The following KIAA0319L variants were observed in gnomAD, a reference collection of about 807,000 sequenced individuals.
KIAA0319L encodes the protein dyslexia-associated protein KIAA0319-like protein.
In KIAA0319L, 55 loss-of-function variants were observed where a neutral mutation model predicts 120.1. That is an observed-to-expected ratio of 0.46 (90% confidence interval 0.37 to 0.57). The LOEUF is 0.57. Among genes scored for constraint, KIAA0319L ranks in the 20% least tolerant of loss-of-function variants. KIAA0319L has a pLI of 0.00. For synonymous variants in KIAA0319L, 398 were observed against 471.9 expected, an observed-to-expected ratio of 0.84 and a Z score of 2.03; for missense variants, 1,049 against 1,255.3, an observed-to-expected ratio of 0.84 and a Z score of 2.48.
intron 7 of KIAA0319L, among the ~76,000 whole-genome samples, chr1:35,465,765 G>C (rs947100653): frequency 2.6e-5 from 4 of 152,200 alleles, no homozygotes; most frequent in African/African-American, 9.6e-5. Context: ...AACCCAGTGG[G>C]AGGAACCTGG....
intron 2 of KIAA0319L, among the ~76,000 whole-genome samples, chr1:35,527,400 T>C (rs760144505): frequency 6.6e-6 from 1 of 152,196 alleles, no homozygotes; most frequent in African/African-American, 2.4e-5. Context: ...GCTGGCTTCA[T>C]AGAATTATGA....
At chr1:35,505,406 CGGAG>C (rs1645171769) in intron 3 of KIAA0319L, among the ~76,000 whole-genome samples, 1 of 152,178 alleles carries the variant, frequency 6.6e-6, no homozygotes, top group South Asian at 2.1e-4. Context: ...TTAAACATCT[CGGAG>C]AAGTCTTACC....
chr1:35,443,977 A>G, intron 17 of KIAA0319L, 184 bp downstream of exon 17: 1 of 476,256 alleles, frequency 2.1e-6, no homozygotes, highest in Admixed American at 4.3e-5. Flanking sequence ...TCAGGGGCCC[A>G]TGGGCCCCAA....
intron 2 of KIAA0319L, chr1:35,533,282 T>TA (rs1179412141): frequency 6.6e-6 from 1 of 152,182 alleles, no homozygotes; most frequent in Non-Finnish European, 1.5e-5. Flanking sequence ...GTCATACTGT[T>TA]AGTGTCCAGA....
chr1:35,474,180 AT>A (rs1643811657), intron 5 of KIAA0319L, among the ~76,000 whole-genome samples: 1 of 152,156 alleles, frequency 6.6e-6, no homozygotes, highest in East Asian at 1.9e-4. Flanking sequence ...ATGCACAAAT[AT>A]TTATGGAATA....
At chr1:35,552,641 G>A (rs1647326435) in intron 2 of KIAA0319L, among the ~76,000 whole-genome samples, 1 of 152,024 alleles carries the variant, frequency 6.6e-6, no homozygotes, top group Non-Finnish European at 1.5e-5. Context: ...CAAAAAATGT[G>A]ATTTACACCA....
At chr1:35,486,296 A>G (rs1644381744) in intron 3 of KIAA0319L, among the ~76,000 whole-genome samples, 1 of 145,564 alleles carries the variant, frequency 6.9e-6, no homozygotes, top group Non-Finnish European at 1.5e-5. Context: ...AGGTGGGAGG[A>G]TGGCTCATGC....
At chr1:35,479,552 G>C (rs916580205) in intron 3 of KIAA0319L, among the ~76,000 whole-genome samples, 1 of 152,098 alleles carries the variant, frequency 6.6e-6, no homozygotes, top group South Asian at 2.1e-4. Context: ...AATAGCCCTT[G>C]TGGATCCAAA....
At chr1:35,511,955 T>C (rs1163268914) in intron 2 of KIAA0319L, among the ~76,000 whole-genome samples, 2 of 152,080 alleles carry the variant, frequency 1.3e-5, no homozygotes, top group Non-Finnish European at 2.9e-5. Flanking sequence ...TTTTTGTTTG[T>C]CCACATATAT....
chr1:35,481,731 T>C (rs1459772756), intron 3 of KIAA0319L, among the ~76,000 whole-genome samples: 1 of 151,372 alleles, frequency 6.6e-6, no homozygotes, highest in Non-Finnish European at 1.5e-5. Flanking sequence ...ATCAAGCTAA[T>C]GCATATCCAT....
At chr1:35,557,460 A>G, upstream of KIAA0319L, 1 of 352,040 alleles carries the variant, frequency 2.8e-6, no homozygotes, top group Non-Finnish European at 5.6e-6. Flanking sequence ...CATGCTAACC[A>G]AGCCCTCCCG....
At position 35,470,883 on chromosome 1, in the gene KIAA0319L, G is replaced by C. The variant is rs565665582; in HGVS notation, c.1093C>G (p.Gln365Glu). 6.8e-6 allele frequency: 11 copies of C among 1,611,358 alleles called. No homozygotes were observed. Among genetic ancestry groups the C allele is most frequent in the African/African-American group, 4.0e-5 (3 of 74,972 alleles). The change falls in exon 6 of 21, where the codon CAG becomes GAG. Residue 365 changes from glutamine to glutamate, a missense_variant. Coordinates refer to ENST00000325722, the MANE Select transcript of KIAA0319L (RefSeq NM_024874.5). ...TTCACCTTCGATAGTTTGAGGATCT[G>C]GGAATGTTTCCCTTCCATTTCTCCA... ...YSGEMEGKHSQILKLSKLTPG... is the reference protein window; with the variant it reads ...YSGEMEGKHSEILKLSKLTPG...
intron 17 of KIAA0319L, 72 bp from the exon 18 acceptor site, chr1:35,443,100 T>A: frequency 6.3e-7 from 1 of 1,588,832 alleles, no homozygotes; most frequent in Non-Finnish European, 8.6e-7. Flanking sequence ...CTAGAGCCCA[T>A]GAGGGCACCA....
intron 2 of KIAA0319L, among the ~76,000 whole-genome samples, chr1:35,543,100 G>C (rs1005983167): frequency 2.0e-5 from 3 of 152,234 alleles, no homozygotes; most frequent in East Asian, 3.8e-4. Flanking sequence ...GCAAGACACA[G>C]TGATTTAATT....
chr1:35,490,420 C>G (rs888303551), intron 3 of KIAA0319L, among the ~76,000 whole-genome samples: 3 of 151,942 alleles, frequency 2.0e-5, no homozygotes, highest in Admixed American at 6.6e-5. Flanking sequence ...CATAGTGATA[C>G]AAAAATATCC....
At chr1:35,451,192 C>G (rs1402790266) in intron 13 of KIAA0319L, among the ~76,000 whole-genome samples, 1 of 152,162 alleles carries the variant, frequency 6.6e-6, no homozygotes, top group Non-Finnish European at 1.5e-5. Flanking sequence ...CTCAAAGGCT[C>G]AGGGCAAGCA....
intron 15 of KIAA0319L, 107 bp downstream of exon 15, chr1:35,449,760 G>A: frequency 8.2e-7 from 1 of 1,224,126 alleles, no homozygotes; most frequent in Non-Finnish European, 1.2e-6. Context: ...TTTAAAGCTG[G>A]ACATGCCATC....
At position 35,455,411 on chromosome 1, in the gene KIAA0319L, T is replaced by A. The variant is rs16837366; in HGVS notation, c.1656+602A>T. On this transcript the variant is annotated intron_variant, in intron 10 of 20. Coordinates refer to ENST00000325722, the MANE Select transcript of KIAA0319L (RefSeq NM_024874.5). ...GATCTAGTCTCTCTTCTTAAGCATCTCTAGAGAGAAGATACTCACCATCTA... is the reference window on the plus strand; with the variant it reads ...GATCTAGTCTCTCTTCTTAAGCATCACTAGAGAGAAGATACTCACCATCTA... Among the ~76,000 whole-genome samples, 1,285 of 152,126 alleles carry A rather than the reference T, an allele frequency of 8.4e-3. 22 individuals are homozygous for A. The highest frequency in any genetic ancestry group is 0.03 in the African/African-American group (1,227 of 41,494).
At chr1:35,525,737 CCCTTGTCA>C (rs1646101097) in intron 2 of KIAA0319L, among the ~76,000 whole-genome samples, 4 of 152,182 alleles carry the variant, frequency 2.6e-5, no homozygotes, top group Admixed American at 2.0e-4. Flanking sequence ...GGATATTAGT[CCCTTGTCA>C]CCAGACAGAT....
Sources: gnomAD v4.1 joint callset for allele counts (sites outside exome capture counted in the v4.1 genomes callset) on GRCh38, gnomAD v4.1.1 for gene constraint, MANE v1.5 for transcripts, NCBI Gene and HGNC (gene_info 2026-07-23, HGNC 2026-07-21) for gene names.